The following AGAP1 variants were observed in gnomAD, a reference collection of about 807,000 sequenced individuals.
AGAP1 encodes the protein arf-GAP with GTPase, ANK repeat and PH domain-containing protein 1.
AGAP1 carries 29 observed loss-of-function variants against 105.3 expected under a neutral mutation model. The ratio of observed to expected loss-of-function variants is 0.28; its 90% CI spans 0.21 to 0.38. The LOEUF (loss-of-function observed/expected upper bound fraction) is 0.38, where lower values mean the gene tolerates loss of function less well. Ranked by LOEUF, AGAP1 falls within the 10% of genes least tolerant of loss-of-function variation. AGAP1 has a pLI of 1.00. For missense variants in AGAP1, 998 were observed against 1,165.1 expected (o/e 0.86, Z 2.09); for synonymous variants, 509 against 485.9 (o/e 1.05, Z -0.63).
At chr2:235,912,993 T>C (rs1274928620) in intron 11 of AGAP1, among the ~76,000 whole-genome samples, 1 of 152,240 alleles carries the variant, frequency 6.6e-6, no homozygotes, top group Non-Finnish European at 1.5e-5. Flanking sequence ...CTTATTGATA[T>C]CTGAGAACTC....
chr2:235,856,262 T>G (rs906647471), intron 9 of AGAP1, among the ~76,000 whole-genome samples: 1 of 152,212 alleles, frequency 6.6e-6, no homozygotes, highest in African/African-American at 2.4e-5. Flanking sequence ...AAGCTATAGC[T>G]TCCTCTCTTT....
chr2:235,991,196 G>T (rs951997019), intron 13 of AGAP1, among the ~76,000 whole-genome samples: 1 of 152,206 alleles, frequency 6.6e-6, no homozygotes, highest in African/African-American at 2.4e-5. Context: ...AATATGACTG[G>T]AGAAGTATTT....
intron 2 of AGAP1, among the ~76,000 whole-genome samples, chr2:235,715,957 C>T (rs961826958): frequency 6.6e-6 from 1 of 152,112 alleles, no homozygotes; most frequent in Non-Finnish European, 1.5e-5. Context: ...GCGTGAATAC[C>T]GCATAGGTGG....
chr2:235,510,177 G>T (rs895143527), intron 1 of AGAP1, among the ~76,000 whole-genome samples: 13 of 152,136 alleles, frequency 8.5e-5, no homozygotes, highest in African/African-American at 3.1e-4. Flanking sequence ...TAGAAATAAG[G>T]TGCACAATAA....
At chr2:236,021,622 C>T (rs2125601690) in intron 13 of AGAP1, among the ~76,000 whole-genome samples, 1 of 152,292 alleles carries the variant, frequency 6.6e-6, no homozygotes, top group Admixed American at 6.5e-5. Context: ...GGGCCTGGAG[C>T]TTTCACAGGG....
Position 236,036,649 on chromosome 2 carries a change from C to G in AGAP1, c.1734C>G (p.Ala578=). 1 of 1,614,200 alleles carries G rather than the reference C, an allele frequency of 6.2e-7. No homozygotes were observed. The highest frequency in any genetic ancestry group is 8.5e-7 in the Non-Finnish European group (1 of 1,180,030). The change falls in exon 14 of 18, where the codon GCC becomes GCG. Residue 578 remains alanine, a synonymous_variant. Transcript: ENST00000304032. This position sits in a 1 kb window ranked among gnomAD's most constrained non-coding sequence, Gnocchi z 5.7. The part of the protein sequence containing the change: ...FEATTYEERD[A]WVQAIESQIL... ...CCACGACGTATGAGGAGCGGGACGC[C>G]TGGGTCCAAGCCATCGAGAGCCAGA...
chr2:235,856,535 A>G (rs775668689), intron 9 of AGAP1, among the ~76,000 whole-genome samples: 2 of 152,250 alleles, frequency 1.3e-5, no homozygotes, highest in Non-Finnish European at 2.9e-5. Flanking sequence ...AGCCAGCAGT[A>G]GACTCAAACC....
Position 236,121,883 on chromosome 2 carries a change from G to T in AGAP1, c.2370+1436G>T, listed in dbSNP as rs1391808437. Among the ~76,000 whole-genome samples, 1 of 152,090 alleles carries T rather than the reference G, an allele frequency of 6.6e-6. No individual in the cohort carries two copies. ...GAGGCCTCTCTCACGGCTGGTAGAC[G>T]GCCGCCCTCTCCCTATGTTCTCACA... On this transcript the variant is annotated intron_variant, in intron 17 of 17. Coordinates refer to ENST00000304032, the MANE Select transcript of AGAP1 (RefSeq NM_001037131.3). This position sits in a 1 kb window ranked among gnomAD's most constrained non-coding sequence, Gnocchi z 4.9.
At chr2:235,935,091 G>A (rs770338293) in intron 12 of AGAP1, among the ~76,000 whole-genome samples, 38 of 152,294 alleles carry the variant, frequency 2.5e-4, no homozygotes, top group African/African-American at 5.3e-4. Context: ...AATCCATTTC[G>A]TGAAATGGAA....
At chr2:235,837,275 G>A (rs954325457) in intron 9 of AGAP1, among the ~76,000 whole-genome samples, 2 of 152,148 alleles carry the variant, frequency 1.3e-5, no homozygotes, top group African/African-American at 4.8e-5. Context: ...ATGAGCCACT[G>A]CACCCAGCCT....
intron 13 of AGAP1, among the ~76,000 whole-genome samples, chr2:235,975,380 G>A (rs2054818727): frequency 6.6e-6 from 1 of 152,132 alleles, no homozygotes; most frequent in Non-Finnish European, 1.5e-5. Context: ...ACGTGGGTGC[G>A]TGGAAGCTCT....
At position 236,032,673 on chromosome 2, in the gene AGAP1, G is replaced by C. The variant is rs143460690; in HGVS notation, c.1646-3888G>C. ...TTGTGTGAGTGAAGGATGAAGAAAAGAGGTGATGATCTCTCTCAAGGATGG... is the reference window on the plus strand; with the variant it reads ...TTGTGTGAGTGAAGGATGAAGAAAACAGGTGATGATCTCTCTCAAGGATGG... On this transcript the variant is annotated intron_variant, in intron 13 of 17. Coordinates refer to ENST00000304032, the MANE Select transcript of AGAP1 (RefSeq NM_001037131.3). Among the ~76,000 whole-genome samples, 5 of 152,286 alleles carry C rather than the reference G, an allele frequency of 3.3e-5. No individual in the cohort carries two copies. In the East Asian group the frequency reaches 9.6e-4, roughly 29 times the overall value.
In AGAP1 at chr2:235,957,666, T is replaced by C. The variant is rs996360147; in HGVS notation, c.1484-10796T>C. Reference sequence around the variant, plus strand: ...AGAGACCCAGGATGTTGTGATTTCCTTGGATGGCAAAGGTGGCCTGTTCTT... The same window carrying C: ...AGAGACCCAGGATGTTGTGATTTCCCTGGATGGCAAAGGTGGCCTGTTCTT... On this transcript the variant is annotated intron_variant, in intron 12 of 17. Transcript: ENST00000304032. The surrounding 1 kb of genome is among the most constrained non-coding windows in gnomAD (Gnocchi z 4.6). 5.9e-5 allele frequency among the ~76,000 whole-genome samples: 9 copies of C among 152,240 alleles called. No homozygotes were observed. Among genetic ancestry groups the C allele is most frequent in the Admixed American group, 6.5e-5 (1 of 15,292 alleles).
intron 1 of AGAP1, among the ~76,000 whole-genome samples, chr2:235,514,417 AG>A (rs1293696255): frequency 2.0e-5 from 3 of 152,264 alleles, no homozygotes; most frequent in Non-Finnish European, 4.4e-5. Flanking sequence ...CTGGGCTCCC[AG>A]GCCCTTTGCC....
chr2:235,917,964 G>A (rs932720301), intron 11 of AGAP1, among the ~76,000 whole-genome samples: 5 of 152,152 alleles, frequency 3.3e-5, no homozygotes, highest in African/African-American at 1.2e-4. Flanking sequence ...AACTAGACCC[G>A]TTGTTGTCTC....
chr2:235,589,708 G>GAT (rs1193036316), intron 1 of AGAP1, among the ~76,000 whole-genome samples: 38 of 152,134 alleles, frequency 2.5e-4, no homozygotes, highest in African/African-American at 8.0e-4. Context: ...TAGATAGATA[G>GAT]AGATATAGAA....
rs539588644 is a variant in AGAP1 at position 235,829,895 on chromosome 2, G to A, written c.1050+22564G>A. ...GAAGAACTGGCAATAGAGAGTGGGTGTCAGTGGGCCGGGACAGGCAGAGCT... is the reference window on the plus strand; with the variant it reads ...GAAGAACTGGCAATAGAGAGTGGGTATCAGTGGGCCGGGACAGGCAGAGCT... On this transcript the variant is annotated intron_variant, in intron 9 of 17. Coordinates refer to ENST00000304032, the MANE Select transcript of AGAP1 (RefSeq NM_001037131.3). Among the ~76,000 whole-genome samples, 5 of 152,294 alleles carry A rather than the reference G, an allele frequency of 3.3e-5. No individual in the cohort carries two copies. The East Asian group carries it at 9.7e-4, about 29-fold the overall frequency.
At chr2:236,077,640 A>G (rs1015489041) in intron 16 of AGAP1, among the ~76,000 whole-genome samples, 2 of 152,070 alleles carry the variant, frequency 1.3e-5, no homozygotes, top group African/African-American at 2.4e-5. Context: ...TTAAAGCGTT[A>G]TTTTTAGTGG....
At chr2:235,546,018 C>G (rs944720003) in intron 1 of AGAP1, among the ~76,000 whole-genome samples, 2 of 152,234 alleles carry the variant, frequency 1.3e-5, no homozygotes, top group Non-Finnish European at 2.9e-5. Flanking sequence ...CAGCCCTTGC[C>G]TTCTGTGAGG....
Sources: allele counts gnomAD v4.1 joint callset (sites outside exome capture counted in the v4.1 genomes callset), GRCh38; gene constraint gnomAD v4.1.1; non-coding constraint Gnocchi (gnomAD v3.1); transcripts MANE v1.5; gene names NCBI Gene and HGNC (gene_info 2026-07-23, HGNC 2026-07-21).